The following LDB1 variants were observed in gnomAD, a reference collection of about 807,000 sequenced individuals.
LDB1 encodes the protein LIM domain binding 1, also known as LIM domain-binding protein 1.
Under a neutral mutation model 49.7 loss-of-function variants are expected in LDB1, and 6 were observed. The observed-to-expected ratio is 0.12, with a 90% CI of 0.07 to 0.24. LDB1 has a LOEUF of 0.24. LDB1 is among the 10% of genes least tolerant of loss of function. The pLI is 1.00. For missense variants in LDB1, 341 were observed against 561.7 expected (o/e 0.61, Z 3.97); for synonymous variants, 233 against 202.0 (o/e 1.15, Z -1.30).
intron 1 of LDB1, among the ~76,000 whole-genome samples, chr10:102,113,817 G>A (rs1401129161): frequency 1.3e-5 from 2 of 151,484 alleles, no homozygotes; most frequent in Admixed American, 6.6e-5. Context: ...AGAATGAACA[G>A]GCATTGTCTA....
At position 102,109,578 on chromosome 10, in the gene LDB1, A is replaced by C. The variant is rs202144932; in HGVS notation, c.732+22T>G. The C allele has an allele frequency of 1.2e-6, 2 of 1,614,072 alleles. No homozygotes were observed. Among genetic ancestry groups the C allele is most frequent in the African/African-American group, 2.7e-5 (2 of 75,020 alleles). On this transcript the variant is annotated intron_variant, in intron 8 of 10. Transcript: ENST00000673968. The surrounding 1 kb of genome is among the most constrained non-coding windows in gnomAD (Gnocchi z 5.8). The stretch of plus-strand genomic sequence containing the variant: ...CCGAGACTAAATGGACTGGGGCAGA[A>C]ACTGGGTGGTCGGAGACTCACTCGG...
intron 1 of LDB1, chr10:102,114,537 C>A: frequency 1.0e-6 from 1 of 985,954 alleles, no homozygotes; most frequent in Middle Eastern, 5.2e-4. Flanking sequence ...GCAGGCCCGA[C>A]TGGGAGCTCC....
chr10:102,114,132 G>C (rs993916058), intron 1 of LDB1, among the ~76,000 whole-genome samples: 18 of 152,374 alleles, frequency 1.2e-4, no homozygotes, highest in Admixed American at 7.8e-4. Flanking sequence ...CCTTTAGGAA[G>C]GGGGAGAGAA....
At chr10:102,110,792 C>A in intron 5 of LDB1, 77 bp downstream of exon 5, 2 of 1,578,628 alleles carry the variant, frequency 1.3e-6, no homozygotes, top group Non-Finnish European at 1.7e-6. Flanking sequence ...TCCCCTGGCA[C>A]TCCCAGACCC....
chr10:102,108,048 G>C lies in LDB1; in HGVS notation c.*45C>G. On this transcript the variant is annotated 3_prime_UTR_variant, in exon 11 of 11. Coordinates refer to ENST00000673968, the MANE Select transcript of LDB1 (RefSeq NM_001113407.3). ...TCTTCTGCTCCCTGGGGCTGTGAGGGGTGGGGCAGGTAGGCAGAGCACTGG... is the reference window on the plus strand; with the variant it reads ...TCTTCTGCTCCCTGGGGCTGTGAGGCGTGGGGCAGGTAGGCAGAGCACTGG... 7.1e-7 allele frequency: 1 copy of C among 1,409,564 alleles called. No homozygotes were observed. The highest frequency in any genetic ancestry group is 1.2e-5 in the South Asian group (1 of 86,930). 87.3% of individuals were successfully genotyped at this position (1,409,564 alleles called of 1,614,324 possible).
rs2133529211 is a variant in LDB1, at chr10:102,117,123, G to T, written c.25+2963C>A. Among the ~76,000 whole-genome samples the T allele has an allele frequency of 1.3e-5, 2 of 152,220 alleles. No homozygotes were observed. Among genetic ancestry groups the T allele is most frequent in the South Asian group, 4.2e-4 (2 of 4,816 alleles). On this transcript the variant is annotated intron_variant, in intron 1 of 10. Coordinates refer to ENST00000673968, the MANE Select transcript of LDB1 (RefSeq NM_001113407.3). The surrounding 1 kb of genome is among the most constrained non-coding windows in gnomAD (Gnocchi z 4.2). ...GGCCTCAAATCACTGTCCTCATGGG[G>T]AGGGGGAAATGTGCTCTGGCTTTTG...
rs2068226206 is a variant in LDB1, at chr10:102,109,958, T to A, written c.611A>T (p.His204Leu). The A allele has an allele frequency of 6.2e-7, 1 of 1,611,504 alleles. No individual in the cohort carries two copies. ...IKTWHFSIRQ[H>L]RELIPRSILA... Reference sequence around the variant, plus strand: ...GATGCTGCGGGGGATGAGCTCTCGGTGCTGCCGGATGCTGAAGTGCCACGT... The same window carrying A: ...GATGCTGCGGGGGATGAGCTCTCGGAGCTGCCGGATGCTGAAGTGCCACGT... The change falls in exon 7 of 11, where the codon CAC becomes CTC. Residue 204 changes from histidine (H) to leucine (L), a missense_variant. Coordinates refer to ENST00000673968, the MANE Select transcript of LDB1 (RefSeq NM_001113407.3). The surrounding 1 kb of genome is among the most constrained non-coding windows in gnomAD (Gnocchi z 5.8).
At chr10:102,121,018 CCCCTT>C (rs2068413398), upstream of LDB1, among the ~76,000 whole-genome samples, 1 of 152,192 alleles carries the variant, frequency 6.6e-6, no homozygotes, top group Non-Finnish European at 1.5e-5. Flanking sequence ...CCTCAACTCA[CCCCTT>C]CCCTAAATTA....
chr10:102,114,867 C>A, intron 1 of LDB1: 13 of 970,136 alleles, frequency 1.3e-5, no homozygotes, highest in Non-Finnish European at 1.6e-5. Context: ...CCAGGAGAGG[C>A]AGGACCCGGC....
rs1408624585 is a variant in LDB1, at chr10:102,110,687, G to A, written c.367C>T (p.Leu123=). 6.2e-7 allele frequency: 1 copy of A among 1,613,272 alleles called. No homozygotes were observed. Among genetic ancestry groups the A allele is most frequent in the Non-Finnish European group, 8.5e-7 (1 of 1,179,460 alleles). ...ATGCTGCGGAAGTAGCGTGGGATCA[G>A]GGTCCGGCCAATGGCTGTAGAGATG... is the stretch of plus-strand genomic sequence containing the variant. ...GPKRYTIGRT[L]IPRYFRSIFE... Residue 123 remains leucine (L), a synonymous_variant, in exon 6 of 11, where the codon CTG becomes TTG. Coordinates refer to ENST00000673968, the MANE Select transcript of LDB1 (RefSeq NM_001113407.3).
rs570772661 is a variant in LDB1 at position 102,117,862 on chromosome 10, T to C, written c.25+2224A>G. Among the ~76,000 whole-genome samples, 10 of 152,130 alleles carry C rather than the reference T, an allele frequency of 6.6e-5. No individual in the cohort carries two copies. The South Asian group carries it at 1.0e-3, about 16-fold the overall frequency. On this transcript the variant is annotated intron_variant, in intron 1 of 10. Transcript: ENST00000673968. This position sits in a 1 kb window ranked among gnomAD's most constrained non-coding sequence, Gnocchi z 4.2. ...GCAATATGGGTGTTGGGCATGTGTA[T>C]GTGTGTATCTTGTGGTGCTTCTGCG...
intron 1 of LDB1, among the ~76,000 whole-genome samples, chr10:102,119,854 A>G (rs1387604546): frequency 1.3e-5 from 2 of 149,060 alleles, no homozygotes; most frequent in Admixed American, 6.7e-5. Flanking sequence ...CCCCAAAAAA[A>G]CATACACATA....
downstream of LDB1, among the ~76,000 whole-genome samples, chr10:102,103,795 C>T (rs1003658190): frequency 1.3e-5 from 2 of 151,948 alleles, no homozygotes; most frequent in South Asian, 2.1e-4. Context: ...GCCTCGTCGA[C>T]AGAACAAGAT....
At chr10:102,118,371 G>A (rs538525650) in intron 1 of LDB1, among the ~76,000 whole-genome samples, 1 of 152,256 alleles carries the variant, frequency 6.6e-6, no homozygotes, top group South Asian at 2.1e-4. Flanking sequence ...CAGACCACCA[G>A]ACACAAAAGG....
chr10:102,119,191 G>A (rs1338316211), intron 1 of LDB1, among the ~76,000 whole-genome samples: 1 of 152,122 alleles, frequency 6.6e-6, no homozygotes, highest in Non-Finnish European at 1.5e-5. Flanking sequence ...CCAGGACCCA[G>A]AGTCCCGGGG....
At chr10:102,119,978 C>T (rs2068394982) in intron 1 of LDB1, 108 bp downstream of exon 1, 1 of 836,850 alleles carries the variant, frequency 1.2e-6, no homozygotes, top group African/African-American at 1.8e-5. Flanking sequence ...CCCCCGGCTT[C>T]CCCCATGCCA....
intron 1 of LDB1, among the ~76,000 whole-genome samples, chr10:102,116,212 C>T (rs779969412): frequency 3.3e-5 from 5 of 152,166 alleles, no homozygotes; most frequent in Non-Finnish European, 5.9e-5. Flanking sequence ...GACGGAGTCT[C>T]GCTCTGTTGC....
At chr10:102,114,906 A>C in intron 1 of LDB1, 2 of 939,994 alleles carry the variant, frequency 2.1e-6, no homozygotes, top group Non-Finnish European at 2.5e-6. Context: ...TCGCACACTC[A>C]AACACACACG....
chr10:102,120,127 T>C lies in LDB1; in HGVS notation c.-17A>G. 7.5e-7 allele frequency: 1 copy of C among 1,337,736 alleles called. No homozygotes were observed. 82.9% of individuals were successfully genotyped at this position (1,337,736 alleles called of 1,614,324 possible). A position where few individuals can be genotyped will look rare whatever the true frequency, so the allele number is the denominator to read the frequency against. On this transcript the variant is annotated 5_prime_UTR_variant, in exon 1 of 11. Coordinates refer to ENST00000673968, the MANE Select transcript of LDB1 (RefSeq NM_001113407.3). Reference sequence around the variant, plus strand: ...CACTGACATCTTCACATCGCCCGCCTCTGGGGGCCCAGCCGAGTCACGGTG... The same window carrying C: ...CACTGACATCTTCACATCGCCCGCCCCTGGGGGCCCAGCCGAGTCACGGTG...
Sources: gnomAD v4.1 joint callset for allele counts (sites outside exome capture counted in the v4.1 genomes callset) on GRCh38, gnomAD v4.1.1 for gene constraint, Gnocchi (gnomAD v3.1) non-coding constraint, MANE v1.5 for transcripts, NCBI Gene and HGNC (gene_info 2026-07-23, HGNC 2026-07-21) for gene names.